OSBPL8: variants seen among roughly 807,000 people sequenced by gnomAD.
The protein encoded by OSBPL8 is oxysterol binding protein like 8.
A neutral mutation model predicts 125.5 loss-of-function variants in OSBPL8; 59 were observed. The observed-to-expected ratio is 0.47, with a 90% CI of 0.38 to 0.58. The LOEUF (loss-of-function observed/expected upper bound fraction) is 0.58, where lower values mean the gene tolerates loss of function less well. Ranked by LOEUF, OSBPL8 falls within the 20% of genes least tolerant of loss-of-function variation. The probability of loss-of-function intolerance (pLI) is 0.00; values close to 1 mark genes in which losing one functional copy is unlikely to be tolerated. For synonymous variants in OSBPL8, 330 were observed against 338.9 expected (o/e 0.97, Z 0.29); for missense variants, 758 against 1,047.8 (o/e 0.72, Z 3.82).
At chr12:76,411,673 A>T (rs1954519658) in intron 4 of OSBPL8, among the ~76,000 whole-genome samples, 1 of 152,102 alleles carries the variant, frequency 6.6e-6, no homozygotes, top group African/African-American at 2.4e-5. Flanking sequence ...TTCTCTGGTA[A>T]GAAAAAAGAT....
chr12:76,504,637 A>T (rs568794420), intron 1 of OSBPL8, among the ~76,000 whole-genome samples: 3 of 152,246 alleles, frequency 2.0e-5, no homozygotes, highest in Non-Finnish European at 4.4e-5. Context: ...GCCCTTGGTC[A>T]TTCCTGGGCA....
At chr12:76,380,539 A>AAAAC (rs1474727696) in intron 15 of OSBPL8, among the ~76,000 whole-genome samples, 1,833 of 151,100 alleles carry the variant, frequency 0.012, 53 homozygotes, top group African/African-American at 0.043. Flanking sequence ...AAAAAAAAAA[A>AAAAC]AAAAAAAACC....
intron 1 of OSBPL8, among the ~76,000 whole-genome samples, chr12:76,492,652 T>A (rs966121567): frequency 3.9e-5 from 6 of 152,162 alleles, no homozygotes; most frequent in African/African-American, 1.4e-4. Context: ...ACACGAAGAA[T>A]CTAGGTTATC....
chr12:76,384,788 G>A (rs555351852), intron 14 of OSBPL8, among the ~76,000 whole-genome samples: 2 of 152,312 alleles, frequency 1.3e-5, no homozygotes, highest in South Asian at 2.1e-4. Context: ...GAACCTGGAC[G>A]TGAATCTTCC....
intron 2 of OSBPL8, among the ~76,000 whole-genome samples, chr12:76,483,767 C>T (rs1457632962): frequency 2.0e-5 from 3 of 146,874 alleles, no homozygotes; most frequent in African/African-American, 5.1e-5. Context: ...TTCAGCCTCC[C>T]GACTTCAGAC....
rs555464105 is a variant in OSBPL8 at position 76,493,052 on chromosome 12, T to G, written c.-67-5434A>C. Among the ~76,000 whole-genome samples, 8 of 152,332 alleles carry G rather than the reference T, an allele frequency of 5.3e-5. No individual in the cohort carries two copies. In the East Asian group the frequency reaches 1.4e-3, roughly 26 times the overall value. On this transcript the variant is annotated intron_variant, in intron 1 of 23. Coordinates refer to ENST00000261183, the MANE Select transcript of OSBPL8 (RefSeq NM_020841.5). ...AAATAGTTGGAAACCACTGGTACAGTGCATTTGGAGTAGAATCTCCACTCT... is the reference window on the plus strand; with the variant it reads ...AAATAGTTGGAAACCACTGGTACAGGGCATTTGGAGTAGAATCTCCACTCT...
chr12:76,478,544 C>T (rs1877085368), intron 2 of OSBPL8, among the ~76,000 whole-genome samples: 1 of 152,114 alleles, frequency 6.6e-6, no homozygotes, highest in African/African-American at 2.4e-5. Flanking sequence ...CAATGAGGCT[C>T]CCCAAATTTA....
At chr12:76,483,711 G>C (rs1445709492) in intron 2 of OSBPL8, among the ~76,000 whole-genome samples, 2 of 84,996 alleles carry the variant, frequency 2.4e-5, no homozygotes, top group Non-Finnish European at 4.1e-5. Flanking sequence ...TTTCACTCTT[G>C]TCACCCAGGC....
At chr12:76,423,758 T>G (rs1210367457) in intron 4 of OSBPL8, among the ~76,000 whole-genome samples, 1 of 152,152 alleles carries the variant, frequency 6.6e-6, no homozygotes, top group Non-Finnish European at 1.5e-5. Context: ...GTAGATTGAT[T>G]TTTTTGGTTA....
chr12:76,385,157 A>G (rs1030675584), intron 14 of OSBPL8, among the ~76,000 whole-genome samples: 5 of 152,216 alleles, frequency 3.3e-5, no homozygotes, highest in Non-Finnish European at 5.9e-5. Context: ...GAATTAAATC[A>G]TTGAGTTTTA....
At chr12:76,417,425 C>A (rs898278371) in intron 4 of OSBPL8, among the ~76,000 whole-genome samples, 5 of 152,148 alleles carry the variant, frequency 3.3e-5, no homozygotes, top group Admixed American at 1.3e-4. Flanking sequence ...TTGATCAGTT[C>A]AATTATAGCC....
At chr12:76,394,611 G>T in intron 9 of OSBPL8, 34 bp downstream of exon 9, 1 of 1,525,924 alleles carries the variant, frequency 6.6e-7, no homozygotes, top group South Asian at 1.2e-5. Flanking sequence ...TAAAAATGAA[G>T]ACCAAAATCC....
chr12:76,444,537 A>C (rs900598576), intron 4 of OSBPL8, among the ~76,000 whole-genome samples: 3 of 152,242 alleles, frequency 2.0e-5, no homozygotes, highest in Non-Finnish European at 4.4e-5. Flanking sequence ...CTCACTGGGA[A>C]ACAGTGAAGA....
At chr12:76,369,870 A>G in intron 19 of OSBPL8, 48 bp from the exon 20 acceptor site, 1 of 1,511,696 alleles carries the variant, frequency 6.6e-7, no homozygotes, top group Admixed American at 2.0e-5. Context: ...GTAACAGAAA[A>G]TAAAATCTAT....
chr12:76,490,122 T>TATGGATG (rs1878556353), intron 1 of OSBPL8, among the ~76,000 whole-genome samples: 1 of 152,218 alleles, frequency 6.6e-6, no homozygotes, highest in Non-Finnish European at 1.5e-5. Flanking sequence ...AATGAGGACT[T>TATGGATG]ACTTCTTATG....
chr12:76,388,139 A>T (rs1020130379), intron 12 of OSBPL8, among the ~76,000 whole-genome samples: 9 of 152,164 alleles, frequency 5.9e-5, no homozygotes, highest in Non-Finnish European at 5.9e-5. Flanking sequence ...TGTATCACAC[A>T]CTGTTTAACC....
chr12:76,546,075 C>T (rs1565987407), intron 1 of OSBPL8, among the ~76,000 whole-genome samples: 1 of 152,090 alleles, frequency 6.6e-6, no homozygotes, highest in Non-Finnish European at 1.5e-5. Context: ...ACGCAGGTTC[C>T]GCAGGGCCAG....
chr12:76,478,173 G>A (rs1233850595), intron 2 of OSBPL8, among the ~76,000 whole-genome samples: 1 of 152,100 alleles, frequency 6.6e-6, no homozygotes, highest in East Asian at 1.9e-4. Context: ...CTGCACTCCA[G>A]CCTAGGCAAC....
intron 10 of OSBPL8, among the ~76,000 whole-genome samples, 158 bp from the exon 11 acceptor site, chr12:76,390,815 C>T (rs1270333064): frequency 1.3e-5 from 2 of 152,062 alleles, no homozygotes; most frequent in Non-Finnish European, 1.5e-5. Flanking sequence ...TTCAAAATAA[C>T]CCTATGAGAT....
Sources: allele counts gnomAD v4.1 joint callset (sites outside exome capture counted in the v4.1 genomes callset), GRCh38; gene constraint gnomAD v4.1.1; transcripts MANE v1.5; gene names NCBI Gene and HGNC (gene_info 2026-07-23, HGNC 2026-07-21).